Variants in COBLL1 observed in about 807,000 individuals in gnomAD.
The protein encoded by COBLL1 is cordon-bleu protein-like 1.
Under a neutral mutation model 94.8 loss-of-function variants are expected in COBLL1, and 50 were observed. The ratio of observed to expected loss-of-function variants is 0.53; its 90% CI spans 0.42 to 0.67. COBLL1 has a LOEUF of 0.67. Ranked by LOEUF, COBLL1 falls within the 30% of genes least tolerant of loss-of-function variation. COBLL1 has a pLI of 0.00. For missense variants in COBLL1, 1,362 were observed against 1,348.7 expected (o/e 1.01, Z -0.15); for synonymous variants, 448 against 473.8 (o/e 0.95, Z 0.71).
intron 3 of COBLL1, among the ~76,000 whole-genome samples, chr2:164,732,714 T>C: frequency 6.6e-6 from 1 of 152,216 alleles, no homozygotes; most frequent in African/African-American, 2.4e-5. Flanking sequence ...CATCTTTTAC[T>C]TCTTAAATAT....
intron 3 of COBLL1, 138 bp from the exon 4 acceptor site, chr2:164,730,253 GC>G: frequency 1.3e-6 from 1 of 751,496 alleles, no homozygotes; most frequent in Non-Finnish European, 2.2e-6. Flanking sequence ...CAAGCTACAG[GC>G]CAAGGCAGGA....
intron 11 of COBLL1, chr2:164,697,140 A>G (rs1324497991): frequency 6.6e-6 from 1 of 152,148 alleles, no homozygotes; most frequent in East Asian, 1.9e-4. Context: ...ACATATCTTC[A>G]CATTTTTAAA....
At chr2:164,691,938 C>G (rs537341727) in intron 13 of COBLL1, among the ~76,000 whole-genome samples, 1 of 152,198 alleles carries the variant, frequency 6.6e-6, no homozygotes, top group South Asian at 2.1e-4. Flanking sequence ...GAGGTGCTAA[C>G]ATAATCTCTT....
In COBLL1 at chr2:164,700,598, C is replaced by A; in HGVS notation, c.1384G>T (p.Ala462Ser). 1 of 1,613,824 alleles carries A rather than the reference C, an allele frequency of 6.2e-7. No homozygotes were observed. The highest frequency in any genetic ancestry group is 8.5e-7 in the Non-Finnish European group (1 of 1,179,824). The change falls in exon 10 of 14, where the codon GCC becomes TCC. Residue 462 changes from alanine (A) to serine (S), a missense_variant. By Grantham distance (99) the Ala-to-Ser change is moderately conservative. Coordinates refer to ENST00000652658, the MANE Select transcript of COBLL1 (RefSeq NM_001365672.2). ...INTLKNDPDS[A>S]LGNGSGEFSQ... ...AACTCTCCACTACCATTGCCAAGGGCTGAGTCAGGATCATTTTTCAGTGTA... is the reference window on the plus strand; with the variant it reads ...AACTCTCCACTACCATTGCCAAGGGATGAGTCAGGATCATTTTTCAGTGTA...
intron 2 of COBLL1, among the ~76,000 whole-genome samples, chr2:164,767,560 C>T (rs1687994257): frequency 6.6e-6 from 1 of 152,146 alleles, no homozygotes; most frequent in African/African-American, 2.4e-5. Context: ...GATTTTCATC[C>T]TGTCCTTCTT....
At chr2:164,768,484 T>A (rs1387301369) in intron 2 of COBLL1, among the ~76,000 whole-genome samples, 1 of 152,126 alleles carries the variant, frequency 6.6e-6, no homozygotes, top group Admixed American at 6.6e-5. Context: ...ATTCTTTTTC[T>A]TCCAATGTGG....
intron 2 of COBLL1, among the ~76,000 whole-genome samples, chr2:164,810,380 A>C (rs777513455): frequency 2.6e-5 from 4 of 151,616 alleles, no homozygotes; most frequent in Non-Finnish European, 5.9e-5. Flanking sequence ...AAATTATATA[A>C]AAATCCAAAA....
chr2:164,820,586 T>C (rs1054357940), intron 2 of COBLL1, among the ~76,000 whole-genome samples: 2 of 152,188 alleles, frequency 1.3e-5, no homozygotes, highest in African/African-American at 2.4e-5. Context: ...TCTTTAAAAT[T>C]ATCTAGTTCT....
intron 11 of COBLL1, chr2:164,696,077 C>A (rs576620199): frequency 3.2e-4 from 128 of 394,722 alleles, no homozygotes; most frequent in African/African-American, 2.6e-3. Context: ...TAATTAACCC[C>A]TTTGAGCCTC....
intron 2 of COBLL1, among the ~76,000 whole-genome samples, chr2:164,660,373 T>G (rs1330629645): frequency 6.6e-6 from 1 of 152,122 alleles, no homozygotes; most frequent in Non-Finnish European, 1.5e-5. Context: ...GAAAGTAGAG[T>G]TATTGCTATA....
chr2:164,672,850 G>T (rs1050159549), intron 1 of COBLL1, among the ~76,000 whole-genome samples: 1 of 152,036 alleles, frequency 6.6e-6, no homozygotes, highest in Non-Finnish European at 1.5e-5. Context: ...AAGACTTGAG[G>T]CTCTGAGAAG....
At chr2:164,745,910 G>T (rs903885729) in intron 2 of COBLL1, among the ~76,000 whole-genome samples, 1 of 152,110 alleles carries the variant, frequency 6.6e-6, no homozygotes, top group Admixed American at 6.6e-5. Context: ...ATAAGTAAGA[G>T]AACTCAGTAA....
chr2:164,732,142 G>GTA (rs3835925), intron 3 of COBLL1, among the ~76,000 whole-genome samples: 2,457 of 151,978 alleles, frequency 0.016, 23 homozygotes, highest in South Asian at 0.028. Context: ...CCTATTACTT[G>GTA]TATATATATA....
rs534934006 is a variant in COBLL1 at position 164,758,679 on chromosome 2, A to G, written c.42-14804T>C. Among the ~76,000 whole-genome samples the G allele has an allele frequency of 4.0e-4, 61 of 152,278 alleles. 1 individual carries two copies. In the South Asian group the frequency reaches 5.0e-3, roughly 12 times the overall value. On this transcript the variant is annotated intron_variant, in intron 2 of 13. Coordinates refer to ENST00000652658, the MANE Select transcript of COBLL1 (RefSeq NM_001365672.2). ...CACTACAATTAAATTTTTTTTAATG[A>G]TTAACAAAAATATGAGAAGAGAGAA...
At position 164,683,797 on chromosome 2, in the gene COBLL1, T is replaced by C. The variant is rs887238055; in HGVS notation, c.*2149A>G. 2 of 152,168 alleles carry C rather than the reference T, an allele frequency of 1.3e-5. No homozygotes were observed. The highest frequency in any genetic ancestry group is 4.8e-5 in the African/African-American group (2 of 41,460). The allele number at this position is 152,168 out of a possible 1,614,324, so 9.4% of individuals were successfully genotyped here. On this transcript the variant is annotated 3_prime_UTR_variant, in exon 14 of 14. Transcript: ENST00000652658. ...TGAGATGTATTCATGCTGACATATA[T>C]AGCTCTAGCTTGTTCATTTGGACTG...
chr2:164,705,349 A>G, intron 7 of COBLL1: 1 of 332,442 alleles, frequency 3.0e-6, no homozygotes, highest in Non-Finnish European at 5.4e-6. Context: ...CCACACAAAC[A>G]ACTAACTGTA....
rs1335037228 is a variant in COBLL1 at position 164,685,655 on chromosome 2, T to C, written c.*291A>G. 4.5e-6 allele frequency: 1 copy of C among 224,186 alleles called. No individual in the cohort carries two copies. Among genetic ancestry groups the C allele is most frequent in the African/African-American group, 2.3e-5 (1 of 43,944 alleles). The allele number at this position is 224,186 out of a possible 1,614,324, so 13.9% of individuals were successfully genotyped here. On this transcript the variant is annotated 3_prime_UTR_variant, in exon 14 of 14. Transcript: ENST00000652658. ...GTAGAGAATGTGCTGGTAAGTGAAA[T>C]CAATACAAAGGAATTATTTTTCATT...
intron 2 of COBLL1, among the ~76,000 whole-genome samples, chr2:164,658,078 AC>A (rs1691007504): frequency 6.6e-6 from 1 of 151,826 alleles, no homozygotes; most frequent in East Asian, 1.9e-4. Context: ...CTATTTCTTT[AC>A]CTCCTGTTGT....
intron 2 of COBLL1, among the ~76,000 whole-genome samples, chr2:164,815,679 A>G (rs1329624405): frequency 2.6e-5 from 4 of 152,106 alleles, no homozygotes; most frequent in Non-Finnish European, 5.9e-5. Context: ...TAGGACTATG[A>G]TCTATTTTTA....
Sources: allele counts gnomAD v4.1 joint callset (sites outside exome capture counted in the v4.1 genomes callset), GRCh38; gene constraint gnomAD v4.1.1; transcripts MANE v1.5; gene names NCBI Gene and HGNC (gene_info 2026-07-23, HGNC 2026-07-21).